The following PCBP3 variants were observed in gnomAD, a reference collection of about 807,000 sequenced individuals.
The protein encoded by PCBP3 is poly(rC) binding protein 3, also known as poly(rC)-binding protein 3.
Under a neutral mutation model 52.7 loss-of-function variants are expected in PCBP3, and 25 were observed. That is an observed-to-expected ratio of 0.47 (90% confidence interval 0.35 to 0.66). The LOEUF (loss-of-function observed/expected upper bound fraction) is 0.66. PCBP3 is among the 30% of genes least tolerant of loss of function. PCBP3 has a pLI of 0.01. For missense variants in PCBP3, 391 were observed against 490.3 expected (o/e 0.80, Z 1.91); for synonymous variants, 162 against 183.0 (o/e 0.89, Z 0.93).
chr21:45,914,243 G>A (rs1044245414), intron 12 of PCBP3: 9 of 680,262 alleles, frequency 1.3e-5, no homozygotes, highest in African/African-American at 9.3e-5. Flanking sequence ...ACGGAATCAT[G>A]TTCTCCCTCC....
chr21:45,658,206 G>C (rs1219770210), intron 1 of PCBP3, among the ~76,000 whole-genome samples: 1 of 152,124 alleles, frequency 6.6e-6, no homozygotes, highest in Non-Finnish European at 1.5e-5. Flanking sequence ...CATTGATTCA[G>C]TTTTGTATGT....
intron 4 of PCBP3, among the ~76,000 whole-genome samples, chr21:45,772,503 T>G (rs2089951138): frequency 6.6e-6 from 1 of 152,242 alleles, no homozygotes; most frequent in South Asian, 2.1e-4. Flanking sequence ...CTTATTATTG[T>G]GAATAGTACT....
chr21:45,644,100 C>CCTG (rs1470989204), intron 1 of PCBP3, among the ~76,000 whole-genome samples: 3 of 150,314 alleles, frequency 2.0e-5, no homozygotes, highest in Admixed American at 6.6e-5. Flanking sequence ...GGTCGCCAGG[C>CCTG]CTGGCCCGCC....
chr21:45,686,268 T>C (rs2082148237), intron 2 of PCBP3, among the ~76,000 whole-genome samples: 1 of 151,706 alleles, frequency 6.6e-6, no homozygotes, highest in Admixed American at 6.6e-5. Context: ...ACAATTAGAG[T>C]TTTGGCCATC....
At chr21:45,875,113 C>T (rs1239338944) in intron 5 of PCBP3, among the ~76,000 whole-genome samples, 2 of 152,260 alleles carry the variant, frequency 1.3e-5, no homozygotes, top group Non-Finnish European at 2.9e-5. Context: ...TCCTACCTGG[C>T]TCAGGGCGTC....
At chr21:45,914,180 C>A in intron 12 of PCBP3, 155 bp downstream of exon 12, 1 of 1,320,300 alleles carries the variant, frequency 7.6e-7, no homozygotes, top group Non-Finnish European at 1.0e-6. Context: ...ACACCCAGCA[C>A]CAGGCGGACG....
At chr21:45,765,802 G>C (rs1161375102) in intron 4 of PCBP3, among the ~76,000 whole-genome samples, 1 of 152,194 alleles carries the variant, frequency 6.6e-6, no homozygotes, top group Non-Finnish European at 1.5e-5. Context: ...AGAAAATACA[G>C]AAACAAGTCA....
At chr21:45,671,275 G>T (rs1277132892) in intron 2 of PCBP3, among the ~76,000 whole-genome samples, 1 of 152,180 alleles carries the variant, frequency 6.6e-6, no homozygotes, top group Non-Finnish European at 1.5e-5. Context: ...TCTCTCCAGG[G>T]ACACAATCCA....
In PCBP3 at chr21:45,772,291, T is replaced by A. The variant is rs565081784; in HGVS notation, c.-126+16839T>A. The stretch of plus-strand genomic sequence containing the variant: ...CCATGTGATCAAATTTTTTAGCTTC[T>A]ACATATAGGTGAGAACATAAGATAT... On this transcript the variant is annotated intron_variant, in intron 4 of 17. Coordinates refer to ENST00000681687, the MANE Select transcript of PCBP3 (RefSeq NM_001384156.1). Among the ~76,000 whole-genome samples, 11 of 152,306 alleles carry A rather than the reference T, an allele frequency of 7.2e-5. No homozygotes were observed. The South Asian group carries it at 1.9e-3, about 26-fold the overall frequency.
chr21:45,868,714 G>A (rs1026916733), intron 5 of PCBP3, among the ~76,000 whole-genome samples: 2 of 152,146 alleles, frequency 1.3e-5, no homozygotes, highest in African/African-American at 2.4e-5. Flanking sequence ...ACGTCCCCCC[G>A]TCACCGGAAA....
At chr21:45,683,667 C>T (rs1356268523) in intron 2 of PCBP3, among the ~76,000 whole-genome samples, 2 of 152,042 alleles carry the variant, frequency 1.3e-5, no homozygotes, top group Non-Finnish European at 2.9e-5. Flanking sequence ...GTTGCTGCGC[C>T]TGTAATCCCA....
At chr21:45,786,524 C>T (rs1292292197) in intron 4 of PCBP3, among the ~76,000 whole-genome samples, 7 of 152,142 alleles carry the variant, frequency 4.6e-5, no homozygotes, top group African/African-American at 1.4e-4. Flanking sequence ...CTCCTGATCT[C>T]GGGTAATCTG....
At chr21:45,701,901 CAAA>C (rs935380319) in intron 2 of PCBP3, among the ~76,000 whole-genome samples, 1 of 152,122 alleles carries the variant, frequency 6.6e-6, no homozygotes, top group Non-Finnish European at 1.5e-5. Context: ...TTTTATAAAA[CAAA>C]AATAAATTAG....
intron 4 of PCBP3, among the ~76,000 whole-genome samples, chr21:45,755,681 G>A (rs752119980): frequency 2.6e-5 from 4 of 152,104 alleles, no homozygotes; most frequent in African/African-American, 7.2e-5. Context: ...CATGTGATAC[G>A]GAACCTTCCT....
intron 5 of PCBP3, among the ~76,000 whole-genome samples, chr21:45,865,555 C>T (rs1341121970): frequency 1.3e-5 from 2 of 152,238 alleles, no homozygotes; most frequent in African/African-American, 2.4e-5. Context: ...CACTGAGTAT[C>T]TCATGCAGCG....
Position 45,917,254 on chromosome 21 carries a change from A to C in PCBP3, c.676-334A>C. Reference sequence around the variant, plus strand: ...TGACTGATTAAATTTTCAAAACCGTAATAATTAGTGGAGACCTCTTACTGG... The same window carrying C: ...TGACTGATTAAATTTTCAAAACCGTCATAATTAGTGGAGACCTCTTACTGG... On this transcript the variant is annotated intron_variant, in intron 12 of 17. Transcript: ENST00000681687. This position sits in a 1 kb window ranked among gnomAD's most constrained non-coding sequence, Gnocchi z 5.3. The C allele has an allele frequency of 4.0e-6, 1 of 248,814 alleles. No individual in the cohort carries two copies. Among genetic ancestry groups the C allele is most frequent in the Non-Finnish European group, 7.0e-6 (1 of 142,516 alleles). The allele number at this position is 248,814 out of a possible 1,614,324, so 15.4% of individuals were successfully genotyped here.
In PCBP3 at chr21:45,917,657, C is replaced by T; in HGVS notation, c.717+28C>T. On this transcript the variant is annotated intron_variant, in intron 13 of 17. Transcript: ENST00000681687. This position sits in a 1 kb window ranked among gnomAD's most constrained non-coding sequence, Gnocchi z 5.3. ...GAGTCTTCACTTTGTCTTCCTCTCA[C>T]CTTTCTCTTCTCATGGTTGTTTACC... The T allele has an allele frequency of 6.3e-7, 1 of 1,575,790 alleles. No homozygotes were observed.
At chr21:45,693,684 C>T (rs1423526626) in intron 2 of PCBP3, among the ~76,000 whole-genome samples, 1 of 152,002 alleles carries the variant, frequency 6.6e-6, no homozygotes, top group Non-Finnish European at 1.5e-5. Flanking sequence ...ATCTAGAATT[C>T]TATACTCAGT....
At chr21:45,751,958 T>C (rs1310130673) in intron 3 of PCBP3, among the ~76,000 whole-genome samples, 2 of 152,234 alleles carry the variant, frequency 1.3e-5, no homozygotes, top group African/African-American at 4.8e-5. Flanking sequence ...CATTTTTCTA[T>C]AGGGTTTTTG....
Sources: allele counts gnomAD v4.1 joint callset (sites outside exome capture counted in the v4.1 genomes callset), GRCh38; gene constraint gnomAD v4.1.1; non-coding constraint Gnocchi (gnomAD v3.1); transcripts MANE v1.5; gene names NCBI Gene and HGNC (gene_info 2026-07-23, HGNC 2026-07-21).